Variants in PXDNL observed in about 807,000 individuals in gnomAD.
PXDNL encodes the protein peroxidasin like.
In PXDNL, 145 loss-of-function variants were observed where a neutral mutation model predicts 150.8. The ratio of observed to expected loss-of-function variants is 0.96; its 90% CI spans 0.84 to 1.10. The LOEUF is 1.10. Among genes scored for constraint, PXDNL ranks in the 50% least tolerant of loss-of-function variants. The probability of loss-of-function intolerance (pLI) is 0.00; values close to 1 mark genes in which losing one functional copy is unlikely to be tolerated. For synonymous variants in PXDNL, 757 were observed against 725.7 expected (o/e 1.04, Z -0.69); for missense variants, 2,087 against 1,873.9 (o/e 1.11, Z -2.10).
At chr8:51,569,900 A>G (rs1419093344) in intron 3 of PXDNL, among the ~76,000 whole-genome samples, 1 of 151,984 alleles carries the variant, frequency 6.6e-6, no homozygotes, top group Admixed American at 6.6e-5. Context: ...AAAAAGAGTT[A>G]AAATTTTTTC....
intron 17 of PXDNL, among the ~76,000 whole-genome samples, chr8:51,404,716 G>T (rs1178655195): frequency 6.6e-6 from 1 of 152,200 alleles, no homozygotes; most frequent in African/African-American, 2.4e-5. Flanking sequence ...TAGACATAAA[G>T]GTCCTCCAAG....
chr8:51,635,951 T>C (rs942038702), intron 2 of PXDNL, among the ~76,000 whole-genome samples: 1 of 152,064 alleles, frequency 6.6e-6, no homozygotes, highest in Non-Finnish European at 1.5e-5. Context: ...CAAAAATTGT[T>C]CAACAAAATA....
intron 4 of PXDNL, among the ~76,000 whole-genome samples, chr8:51,513,954 T>C (rs1585540199): frequency 1.3e-5 from 2 of 152,234 alleles, no homozygotes; most frequent in Non-Finnish European, 2.9e-5. Flanking sequence ...TGACCATAAA[T>C]GAATATTGTT....
rs113170654 is a variant in PXDNL, at chr8:51,446,042, T to TA, written c.1525+961dup. ...TATAAGGGAACCTCAACTTCTTTTTTAAAAAAAACATTTAATATGTCTAAA... is the reference window on the plus strand; with the variant it reads ...TATAAGGGAACCTCAACTTCTTTTTTAAAAAAAAACATTTAATATGTCTAAA... On this transcript the variant is annotated intron_variant, in intron 12 of 22. Coordinates refer to ENST00000356297, the MANE Select transcript of PXDNL (RefSeq NM_144651.5). Among the ~76,000 whole-genome samples the TA allele has an allele frequency of 3.9e-5, 6 of 151,954 alleles. No individual in the cohort carries two copies. The South Asian group carries it at 1.0e-3, about 26-fold the overall frequency.
intron 1 of PXDNL, among the ~76,000 whole-genome samples, chr8:51,704,141 G>C (rs986097632): frequency 1.3e-5 from 2 of 152,038 alleles, no homozygotes; most frequent in South Asian, 2.1e-4. Flanking sequence ...TTTTCTCTTT[G>C]TCCCTTCCTG....
intron 5 of PXDNL, among the ~76,000 whole-genome samples, chr8:51,493,948 C>A (rs1236964580): frequency 6.6e-6 from 1 of 152,094 alleles, no homozygotes; most frequent in Non-Finnish European, 1.5e-5. Context: ...AGATACTCCT[C>A]AAGAAGAGTA....
intron 4 of PXDNL, among the ~76,000 whole-genome samples, chr8:51,548,107 AAAG>A (rs199936344): frequency 0.023 from 3,490 of 151,062 alleles, 63 homozygotes; most frequent in African/African-American, 0.052. Context: ...AAAAAAAAAA[AAAG>A]AAGGCTTTTG....
chr8:51,654,601 C>G (rs1013675317), intron 2 of PXDNL, 88 bp downstream of exon 2: 4 of 981,898 alleles, frequency 4.1e-6, no homozygotes, highest in Non-Finnish European at 6.4e-6. Flanking sequence ...ACTAGCTGTT[C>G]TTGACACTCA....
At chr8:51,380,126 C>G (rs1361194437) in intron 17 of PXDNL, among the ~76,000 whole-genome samples, 3 of 54,478 alleles carry the variant, frequency 5.5e-5, no homozygotes, top group Non-Finnish European at 9.5e-5. Flanking sequence ...AGCTGACGAG[C>G]TAAAAAAAAA....
At chr8:51,701,077 T>C (rs1360403057) in intron 1 of PXDNL, among the ~76,000 whole-genome samples, 1 of 152,028 alleles carries the variant, frequency 6.6e-6, no homozygotes, top group Non-Finnish European at 1.5e-5. Context: ...AGGTTTCTTA[T>C]AGAAAGCTTC....
intron 3 of PXDNL, among the ~76,000 whole-genome samples, chr8:51,592,010 A>G (rs1432943432): frequency 6.6e-6 from 1 of 152,206 alleles, no homozygotes; most frequent in Admixed American, 6.5e-5. Flanking sequence ...TCAGCCTCCA[A>G]CATAACCATA....
intron 1 of PXDNL, among the ~76,000 whole-genome samples, chr8:51,683,163 T>TTATATATATATA (rs1815791021): frequency 5.2e-5 from 1 of 19,184 alleles, no homozygotes; most frequent in Non-Finnish European, 9.3e-5. Context: ...CAATTGTCTT[T>TTATATATATATA]CATATATATA....
chr8:51,601,983 C>T (rs1412939914), intron 2 of PXDNL, among the ~76,000 whole-genome samples: 2 of 151,932 alleles, frequency 1.3e-5, no homozygotes, highest in African/African-American at 4.8e-5. Context: ...ATTTATGAAG[C>T]TTATTTTGGT....
chr8:51,536,571 G>A (rs781419667), intron 4 of PXDNL, among the ~76,000 whole-genome samples: 2 of 151,954 alleles, frequency 1.3e-5, no homozygotes, highest in Non-Finnish European at 2.9e-5. Context: ...GAACAGGCAC[G>A]ACAGTGCCCA....
intron 2 of PXDNL, among the ~76,000 whole-genome samples, chr8:51,608,054 A>AAAGAAAGG (rs1554557536): frequency 9.0e-6 from 1 of 111,596 alleles, no homozygotes; most frequent in Non-Finnish European, 1.8e-5. Flanking sequence ...AGAAAGAAAG[A>AAAGAAAGG]AAGCAAGCAA....
Position 51,748,552 on chromosome 8 carries a change from G to A in PXDNL, c.164+60629C>T, listed in dbSNP as rs576788955. 1.4e-3 allele frequency among the ~76,000 whole-genome samples: 206 copies of A among 152,328 alleles called. 1 individual carries two copies. Among genetic ancestry groups the A allele is most frequent in the African/African-American group, 4.7e-3 (197 of 41,576 alleles). Reference sequence around the variant, plus strand: ...GCTGGAGCACAGCATCACTGCCTGGGCCAAGGTTCACTGTCCTGGATTAGC... The same window carrying A: ...GCTGGAGCACAGCATCACTGCCTGGACCAAGGTTCACTGTCCTGGATTAGC... On this transcript the variant is annotated intron_variant, in intron 1 of 22. Transcript: ENST00000356297.
intron 1 of PXDNL, among the ~76,000 whole-genome samples, chr8:51,732,792 A>C (rs1816959367): frequency 6.6e-6 from 1 of 151,234 alleles, no homozygotes; most frequent in African/African-American, 2.4e-5. Flanking sequence ...AAATCATCAG[A>C]TCTCAAGAGA....
intron 4 of PXDNL, among the ~76,000 whole-genome samples, chr8:51,516,971 T>A (rs1344164034): frequency 6.6e-6 from 1 of 152,202 alleles, no homozygotes; most frequent in African/African-American, 2.4e-5. Flanking sequence ...GAAGTTCTAA[T>A]TATCCACCTT....
chr8:51,607,891 A>G (rs1263689867), intron 2 of PXDNL, among the ~76,000 whole-genome samples: 27 of 116,230 alleles, frequency 2.3e-4, no homozygotes, highest in Non-Finnish European at 4.0e-4. Context: ...GAAGGAAGGA[A>G]GGAAGGTGGG....
Sources: allele counts gnomAD v4.1 joint callset (sites outside exome capture counted in the v4.1 genomes callset), GRCh38; gene constraint gnomAD v4.1.1; transcripts MANE v1.5; gene names NCBI Gene and HGNC (gene_info 2026-07-23, HGNC 2026-07-21).